Variants in SEMA3A observed in about 807,000 individuals in gnomAD.
The protein encoded by SEMA3A is semaphorin 3A.
SEMA3A carries 29 observed loss-of-function variants against 97.9 expected under a neutral mutation model. The observed-to-expected ratio is 0.30, with a 90% CI of 0.22 to 0.40. The LOEUF is 0.40. SEMA3A is among the 10% of genes least tolerant of loss of function. The pLI is 1.00. For synonymous variants in SEMA3A, 321 were observed against 323.7 expected, an observed-to-expected ratio of 0.99 and a Z score of 0.09; for missense variants, 763 against 951.3, an observed-to-expected ratio of 0.80 and a Z score of 2.60.
chr7:84,088,515 A>G (rs1702824677), intron 4 of SEMA3A, among the ~76,000 whole-genome samples: 1 of 152,106 alleles, frequency 6.6e-6, no homozygotes. Flanking sequence ...AGTAAATTCT[A>G]AAAGTTACTT....
chr7:84,145,534 T>A (rs1297865338), intron 1 of SEMA3A, among the ~76,000 whole-genome samples: 3 of 152,180 alleles, frequency 2.0e-5, no homozygotes, highest in Non-Finnish European at 2.9e-5. Context: ...AGTTATAAAT[T>A]ATGTTCAAAT....
At chr7:84,136,804 AAT>A (rs1796137174) in intron 1 of SEMA3A, among the ~76,000 whole-genome samples, 1 of 152,064 alleles carries the variant, frequency 6.6e-6, no homozygotes, top group South Asian at 2.1e-4. Flanking sequence ...TATAGACAAA[AAT>A]TGTTAACAAA....
chr7:84,245,421 CTG>C (rs1313247293), intron 3 of SEMA3A, among the ~76,000 whole-genome samples: 1 of 151,942 alleles, frequency 6.6e-6, no homozygotes, highest in Non-Finnish European at 1.5e-5. Flanking sequence ...AGTTATCGTG[CTG>C]TGTTTTTCGG....
At chr7:84,320,436 A>C (rs76406588) in intron 2 of SEMA3A, among the ~76,000 whole-genome samples, 4,001 of 152,256 alleles carry the variant, frequency 0.026, 180 homozygotes, top group African/African-American at 0.091. Context: ...TATTAAAAAA[A>C]TCTAAGTAGT....
chr7:84,491,096 T>C lies in SEMA3A; in HGVS notation c.-246+1364A>G, dbSNP rs2527544. Among the ~76,000 whole-genome samples the C allele has an allele frequency of 5.0e-3, 760 of 152,298 alleles. 8 individuals are homozygous for C. The highest frequency in any genetic ancestry group is 0.017 in the African/African-American group (703 of 41,584). ...CTCATAGCAGCAACTTTATCCAAGC[T>C]AAATCATTTCTGAATATACACAAAG... is the stretch of plus-strand genomic sequence containing the variant. On this transcript the variant is annotated intron_variant, in intron 1 of 3. Transcript: ENST00000424555.
intron 3 of SEMA3A, among the ~76,000 whole-genome samples, chr7:84,262,628 T>A (rs373648035): frequency 2.0e-5 from 3 of 152,348 alleles, no homozygotes; most frequent in Admixed American, 6.5e-5. Flanking sequence ...GCTAAGGAAA[T>A]CTATATCCAT....
intron 1 of SEMA3A, among the ~76,000 whole-genome samples, chr7:84,467,319 G>A (rs1488938948): frequency 2.0e-5 from 3 of 152,016 alleles, no homozygotes; most frequent in South Asian, 2.1e-4. Context: ...TCAGGAGATC[G>A]AGACCATCCT....
chr7:84,308,257 T>G (rs1801215743), intron 2 of SEMA3A, among the ~76,000 whole-genome samples: 1 of 152,166 alleles, frequency 6.6e-6, no homozygotes, highest in Admixed American at 6.5e-5. Flanking sequence ...ATTGGATCCC[T>G]TACTGTGTGA....
At chr7:84,482,713 C>T (rs560492682) in intron 1 of SEMA3A, among the ~76,000 whole-genome samples, 8 of 152,306 alleles carry the variant, frequency 5.3e-5, no homozygotes, top group East Asian at 3.9e-4. Flanking sequence ...GCCACAACTG[C>T]GGTTAGATGC....
chr7:84,145,252 T>A (rs892824056), intron 1 of SEMA3A, among the ~76,000 whole-genome samples: 1 of 152,118 alleles, frequency 6.6e-6, no homozygotes, highest in Non-Finnish European at 1.5e-5. Flanking sequence ...GCCCTGTACA[T>A]ACATAGATTA....
At chr7:84,013,055 A>G (rs1410291854) in intron 7 of SEMA3A, among the ~76,000 whole-genome samples, 7 of 152,142 alleles carry the variant, frequency 4.6e-5, no homozygotes, top group Non-Finnish European at 7.4e-5. Context: ...TAATTAGATC[A>G]TATTGGGGTA....
At chr7:84,167,079 A>G (rs1299257925) in intron 1 of SEMA3A, among the ~76,000 whole-genome samples, 1 of 47,084 alleles carries the variant, frequency 2.1e-5, no homozygotes, top group Non-Finnish European at 5.9e-5. Flanking sequence ...AAGATGTAGG[A>G]CTGATGTATG....
chr7:84,045,969 AG>A (rs1037389801), intron 6 of SEMA3A, among the ~76,000 whole-genome samples: 1 of 80,214 alleles, frequency 1.2e-5, no homozygotes, highest in African/African-American at 3.6e-5. Flanking sequence ...AGAGATGTAA[AG>A]GAAAAAAAAA....
rs954863003 is a variant in SEMA3A, at chr7:84,072,158, T to A, written c.454-11600A>T. ...ATTAGTCTACTCTTGTTATAAAAGA[T>A]TAAAAAATAAAACCTATAGTTCAAA... On this transcript the variant is annotated intron_variant, in intron 4 of 16. Transcript: ENST00000265362. Among the ~76,000 whole-genome samples, 5 of 152,076 alleles carry A rather than the reference T, an allele frequency of 3.3e-5. No homozygotes were observed. In the East Asian group the frequency reaches 9.6e-4, roughly 29 times the overall value.
intron 1 of SEMA3A, among the ~76,000 whole-genome samples, chr7:84,448,920 C>A (rs1805491597): frequency 6.6e-6 from 1 of 152,076 alleles, no homozygotes; most frequent in East Asian, 1.9e-4. Context: ...ACTACAATAA[C>A]CACAACAATC....
intron 1 of SEMA3A, among the ~76,000 whole-genome samples, chr7:84,389,540 A>T (rs1016012842): frequency 1.3e-5 from 2 of 152,206 alleles, no homozygotes; most frequent in East Asian, 3.9e-4. Flanking sequence ...ACAATTCACA[A>T]ATTTCTAAAG....
At chr7:84,057,761 T>TAAAG (rs1219265992) in intron 5 of SEMA3A, among the ~76,000 whole-genome samples, 1 of 150,290 alleles carries the variant, frequency 6.7e-6, no homozygotes, top group African/African-American at 2.4e-5. Flanking sequence ...GATAAATAAA[T>TAAAG]AAATAAATAA....
chr7:84,245,412 G>A (rs528705325), intron 3 of SEMA3A, among the ~76,000 whole-genome samples: 6 of 151,824 alleles, frequency 4.0e-5, no homozygotes, highest in Non-Finnish European at 8.8e-5. Flanking sequence ...GCTTCATGAA[G>A]TTATCGTGCT....
At chr7:84,084,952 T>C (rs1375394138) in intron 4 of SEMA3A, among the ~76,000 whole-genome samples, 1 of 152,026 alleles carries the variant, frequency 6.6e-6, no homozygotes, top group Non-Finnish European at 1.5e-5. Flanking sequence ...AACTTAGCTT[T>C]ACAGTTGATT....
Sources: gnomAD v4.1 joint callset for allele counts (sites outside exome capture counted in the v4.1 genomes callset) on GRCh38, gnomAD v4.1.1 for gene constraint, MANE v1.5 for transcripts, NCBI Gene and HGNC (gene_info 2026-07-23, HGNC 2026-07-21) for gene names.